Variants in TEP1 observed in about 807,000 individuals in gnomAD.
The protein encoded by TEP1 is telomerase associated protein 1.
In TEP1, 241 loss-of-function variants were observed where a neutral mutation model predicts 306.3. The observed-to-expected ratio is 0.79, with a 90% CI of 0.71 to 0.88. TEP1 has a LOEUF of 0.88. Among genes scored for constraint, TEP1 ranks in the 40% least tolerant of loss-of-function variants. The pLI, the probability that TEP1 is intolerant of heterozygous loss-of-function variation, is 0.00. For missense variants in TEP1, 3,051 were observed against 3,276.1 expected, an observed-to-expected ratio of 0.93 and a Z score of 1.68; for synonymous variants, 1,289 against 1,305.5, an observed-to-expected ratio of 0.99 and a Z score of 0.27.
rs780400259 is a variant in TEP1, at chr14:20,391,705, T to G, written c.1991A>C (p.Asn664Thr). ...RYRQALETAVNLSVKHSLPLL... is the reference protein window; with the variant it reads ...RYRQALETAVTLSVKHSLPLL... The stretch of plus-strand genomic sequence containing the variant: ...GGGCAGGCTGTGCTTCACAGAGAGG[T>G]TCACAGCTGTCTCTAGGGCCTGTCG... The change falls in exon 13 of 55, where the codon AAC becomes ACC. Residue 664 changes from asparagine to threonine, a missense_variant. Physicochemically the swap from Asn to Thr is moderately conservative, Grantham distance 65. Coordinates refer to ENST00000262715, the MANE Select transcript of TEP1 (RefSeq NM_007110.5). 2 of 1,613,908 alleles carry G rather than the reference T, an allele frequency of 1.2e-6. No homozygotes were observed. The highest frequency in any genetic ancestry group is 2.2e-5 in the South Asian group (2 of 91,068).
chr14:20,397,720 A>C (rs111916789), intron 9 of TEP1, among the ~76,000 whole-genome samples: 7,671 of 151,722 alleles, frequency 0.051, 196 homozygotes, highest in South Asian at 0.076. Flanking sequence ...GTTCCCTTGT[A>C]CCTGTGTTAT....
At position 20,391,016 on chromosome 14, in the gene TEP1, A is replaced by T. The variant is rs766660580; in HGVS notation, c.2178T>A (p.Gly726=). 2 of 1,613,774 alleles carry T rather than the reference A, an allele frequency of 1.2e-6. No homozygotes were observed. The highest frequency in any genetic ancestry group is 2.7e-5 in the African/African-American group (2 of 74,792). Residue 726 remains glycine, a synonymous_variant, in exon 14 of 55, where the codon GGT becomes GGA. Coordinates refer to ENST00000262715, the MANE Select transcript of TEP1 (RefSeq NM_007110.5). ...AEQVDVVLCG[G]DTLKTAVLKA... is the part of the protein sequence containing the mutation. ...TAAGCACTGCAGTCTTCAGAGTGTC[A>T]CCTCCACACAGCACGACGTCCACCT...
Position 20,408,108 on chromosome 14 carries a change from C to A in TEP1, c.332G>T (p.Cys111Phe). The change falls in exon 2 of 55, where the codon TGC becomes TTC. Residue 111 changes from cysteine to phenylalanine, a missense_variant. Cys to Phe is a radical substitution (Grantham distance 205, BLOSUM62 -2). Transcript: ENST00000262715. ...CTTTAGACTAGAGAGGGTGGCCAGG[C>A]ACCGGTTCTCCAAGGAGAGGATGTC... is the stretch of plus-strand genomic sequence containing the variant. ...HPDILSLENR[C>F]LATLSSLKST... 1 of 1,613,658 alleles carries A rather than the reference C, an allele frequency of 6.2e-7. No individual in the cohort carries two copies. The highest frequency in any genetic ancestry group is 8.5e-7 in the Non-Finnish European group (1 of 1,179,682).
At chr14:20,406,032 G>A (rs1879143518) in intron 3 of TEP1, among the ~76,000 whole-genome samples, 4 of 146,444 alleles carry the variant, frequency 2.7e-5, no homozygotes, top group African/African-American at 5.0e-5. Flanking sequence ...AAAAAGAAAA[G>A]GAAAAGAGAG....
At position 20,403,580 on chromosome 14, in the gene TEP1, T is replaced by G. The variant is rs139455016; in HGVS notation, c.1195-132A>C. 636 of 1,586,182 alleles carry G rather than the reference T, an allele frequency of 4.0e-4. 5 individuals are homozygous for G. The African/African-American group carries it at 7.8e-3, about 19-fold the overall frequency. On this transcript the variant is annotated intron_variant, in intron 6 of 54. Transcript: ENST00000262715. Reference sequence around the variant, plus strand: ...GAAAAGAAGACTGCCCTGCACCATATGCCCATGAGCTCTACCCAGCTCCCC... The same window carrying G: ...GAAAAGAAGACTGCCCTGCACCATAGGCCCATGAGCTCTACCCAGCTCCCC...
At chr14:20,388,151 T>C in intron 17 of TEP1, 88 bp from the exon 18 acceptor site, 5 of 1,458,390 alleles carry the variant, frequency 3.4e-6, no homozygotes, top group South Asian at 1.2e-5. Flanking sequence ...GAAAAAGATA[T>C]GTCCAGGTTT....
chr14:20,379,074 C>A lies in TEP1; in HGVS notation c.5159G>T (p.Gly1720Val), dbSNP rs551843035. The A allele has an allele frequency of 2.5e-5, 41 of 1,614,148 alleles. No homozygotes were observed. In the South Asian group the frequency reaches 4.0e-4, roughly 16 times the overall value. ...GGAGAGGAACAAACAAGCAGAGATT[C>A]CATCACAGCCACTCACCACAGACTT... ...EEKSVVSGCDGISACLFLSDD... is the reference protein window; with the variant it reads ...EEKSVVSGCDVISACLFLSDD... Residue 1720 changes from glycine to valine, a missense_variant, in exon 36 of 55, where the codon GGA becomes GTA. By Grantham distance (109) the Gly-to-Val change is moderately radical. Around this residue, in one of 3 missense-constraint regions of TEP1, gnomAD observed 1,540 missense variants for 1,705.9 expected, o/e 0.90. Coordinates refer to ENST00000262715, the MANE Select transcript of TEP1 (RefSeq NM_007110.5).
chr14:20,406,181 C>A (rs1879161910), intron 3 of TEP1, 52 bp downstream of exon 3: 7 of 1,595,362 alleles, frequency 4.4e-6, no homozygotes, highest in Non-Finnish European at 6.0e-6. Context: ...ACTCCACCAC[C>A]AACCTCCCCT....
intron 21 of TEP1, 102 bp from the exon 22 acceptor site, chr14:20,384,815 T>A (rs1876980861): frequency 2.7e-6 from 4 of 1,480,684 alleles, no homozygotes; most frequent in Non-Finnish European, 3.7e-6. Flanking sequence ...GCTCCTCAAG[T>A]AGAGAGCTCC....
intron 9 of TEP1, 85 bp from the exon 10 acceptor site, chr14:20,396,815 AG>A: frequency 1.1e-6 from 1 of 906,224 alleles, no homozygotes; most frequent in Middle Eastern, 2.2e-4. Context: ...GCTACCAAGG[AG>A]GCTGAGACAG....
At chr14:20,403,630 C>T (rs1394299254) in intron 6 of TEP1, 93 bp downstream of exon 6, 2 of 1,596,480 alleles carry the variant, frequency 1.3e-6, no homozygotes, top group Non-Finnish European at 1.7e-6. Context: ...TCCCTTTGCT[C>T]CTGGTGTGGG....
In TEP1 at chr14:20,386,057, C is replaced by T; in HGVS notation, c.2982+18G>A. 6.3e-7 allele frequency: 1 copy of T among 1,587,274 alleles called. No homozygotes were observed. Among genetic ancestry groups the T allele is most frequent in the Non-Finnish European group, 8.5e-7 (1 of 1,170,244 alleles). On this transcript the variant is annotated intron_variant, in intron 20 of 54. Transcript: ENST00000262715. ...CTTTGCTTCCTCCCCAGCCCTCCTC[C>T]AAACCTGTCTGCCTTACCCAGTGGA...
chr14:20,406,465 C>T, intron 2 of TEP1, 65 bp from the exon 3 acceptor site: 1 of 1,560,944 alleles, frequency 6.4e-7, no homozygotes, highest in East Asian at 2.2e-5. Flanking sequence ...CCAGATGGAT[C>T]TGAAGGCAGC....
In TEP1 at chr14:20,380,274, C is replaced by T. The variant is rs574318903; in HGVS notation, c.4964G>A (p.Arg1655Gln). Reference protein sequence around the residue: ...SRRWHLQHTLRWLNKPRTMKN... With the variant: ...SRRWHLQHTLQWLNKPRTMKN... ...CATGGTCCGGGGTTTATTAAGCCAT[C>T]GTAGTGTGTGTTGGAGGTGCCATCT... Residue 1655 changes from arginine (R) to glutamine (Q), a missense_variant, in exon 34 of 55, where the codon CGA (arginine) becomes CAA (glutamine). Arg to Gln is a conservative substitution (Grantham distance 43). Around this residue, in one of 3 missense-constraint regions of TEP1, gnomAD observed 1,540 missense variants for 1,705.9 expected, o/e 0.90. Transcript: ENST00000262715. 7.4e-6 allele frequency: 12 copies of T among 1,614,080 alleles called. No individual in the cohort carries two copies. Among genetic ancestry groups the T allele is most frequent in the Middle Eastern group, 1.6e-4 (1 of 6,062 alleles).
intron 12 of TEP1, among the ~76,000 whole-genome samples, chr14:20,394,714 ATGATCCACCTGCCTCG>A (rs1194709737): frequency 5.3e-5 from 8 of 151,976 alleles, no homozygotes; most frequent in African/African-American, 1.7e-4. Flanking sequence ...TCCTGACCTC[ATGATCCACCTGCCTCG>A]TGATCCACCT....
chr14:20,376,199 G>T lies in TEP1; in HGVS notation c.6154C>A (p.Pro2052Thr), dbSNP rs777006678. 58 of 1,614,072 alleles carry T rather than the reference G, an allele frequency of 3.6e-5. No individual in the cohort carries two copies. Among genetic ancestry groups the T allele is most frequent in the Non-Finnish European group, 4.8e-5 (57 of 1,180,040 alleles). The change falls in exon 42 of 55, where the codon CCC becomes ACC. Residue 2052 changes from proline to threonine, a missense_variant. Physicochemically the swap from Pro to Thr is conservative, Grantham distance 38 (BLOSUM62 -1). Around this residue, in one of 3 missense-constraint regions of TEP1, gnomAD observed 1,540 missense variants for 1,705.9 expected, o/e 0.90. Coordinates refer to ENST00000262715, the MANE Select transcript of TEP1 (RefSeq NM_007110.5). ...TGTCCCCGCAGCTCAGTGCCACAGG[G>T]AAAGTCTTCTGCCTTGTGTGGCCGC... ...LTRPHKAEDF[P>T]CGTELRGHEG...
At chr14:20,370,570 T>C (rs1363713587) in intron 51 of TEP1, among the ~76,000 whole-genome samples, 3 of 152,240 alleles carry the variant, frequency 2.0e-5, no homozygotes, top group Non-Finnish European at 4.4e-5. Flanking sequence ...TTCCATTGTA[T>C]AGATATACCA....
At chr14:20,409,393 A>G (rs1440451104) in intron 1 of TEP1, among the ~76,000 whole-genome samples, 1 of 152,184 alleles carries the variant, frequency 6.6e-6, no homozygotes, top group Admixed American at 6.5e-5. Flanking sequence ...CTCACCCACT[A>G]TGTGGCTCCA....
intron 9 of TEP1, among the ~76,000 whole-genome samples, chr14:20,397,904 C>T (rs1350195749): frequency 6.6e-6 from 1 of 152,000 alleles, no homozygotes; most frequent in Non-Finnish European, 1.5e-5. Flanking sequence ...AAGTGCTCAC[C>T]ACCATGCCTG....
Sources: gnomAD v4.1 joint callset for allele counts (sites outside exome capture counted in the v4.1 genomes callset) on GRCh38, gnomAD v4.1.1 for gene constraint, gnomAD v4.1.1 regional missense constraint, MANE v1.5 for transcripts, NCBI Gene and HGNC (gene_info 2026-07-23, HGNC 2026-07-21) for gene names.